The following NLGN4X variants were observed in gnomAD, a reference collection of about 807,000 sequenced individuals.
NLGN4X encodes neuroligin 4 X-linked.
In NLGN4X, 3 loss-of-function variants were observed where a neutral mutation model predicts 40.3. That is an observed-to-expected ratio of 0.07 (90% confidence interval 0.03 to 0.19). The LOEUF (loss-of-function observed/expected upper bound fraction) is 0.19. Among genes scored for constraint, NLGN4X ranks in the 10% least tolerant of loss-of-function variants. The pLI, the probability that NLGN4X is intolerant of heterozygous loss-of-function variation, is 1.00. For synonymous variants in NLGN4X, 270 were observed against 306.8 expected (o/e 0.88, Z 1.25); for missense variants, 382 against 708.3 (o/e 0.54, Z 5.23).
intron 2 of NLGN4X, among the ~76,000 whole-genome samples, chrX:6,084,419 G>A (rs903980308): frequency 9.0e-6 from 1 of 111,429 alleles, no homozygotes; most frequent in African/African-American, 3.3e-5. Context: ...TTGATGGTGG[G>A]GGTTAACTCC....
chrX:5,897,238 C>T (rs926088564), intron 5 of NLGN4X, among the ~76,000 whole-genome samples: 5 of 111,821 alleles, frequency 4.5e-5, no homozygotes. Context: ...CTTTGTCATA[C>T]CTTATAAATA....
intron 2 of NLGN4X, among the ~76,000 whole-genome samples, chrX:6,073,584 A>T (rs748483905): frequency 9.0e-6 from 1 of 111,706 alleles, no homozygotes; most frequent in Non-Finnish European, 1.9e-5. Flanking sequence ...GAGGAAGATT[A>T]GTAGGGCACA....
At chrX:6,178,667 C>T (rs146922045) in intron 1 of NLGN4X, among the ~76,000 whole-genome samples, 2,669 of 112,434 alleles carry the variant, frequency 0.024, 78 homozygotes, top group African/African-American at 0.079. Flanking sequence ...GAATATTTCA[C>T]TTATTTTCAA....
chrX:6,193,556 A>G (rs1922776629), intron 1 of NLGN4X, among the ~76,000 whole-genome samples: 1 of 111,004 alleles, frequency 9.0e-6, no homozygotes, highest in African/African-American at 3.3e-5. Flanking sequence ...TTCAAAACCA[A>G]TGTGACATTC....
chrX:5,902,883 G>T (rs745782354), intron 5 of NLGN4X, among the ~76,000 whole-genome samples, 194 bp downstream of exon 5: 1 of 112,313 alleles, frequency 8.9e-6, no homozygotes, highest in Non-Finnish European at 1.9e-5. Context: ...AAAATGAGTT[G>T]CCATAGATGT....
intron 2 of NLGN4X, among the ~76,000 whole-genome samples, chrX:6,109,744 C>T (rs773844415): frequency 1.3e-4 from 15 of 111,286 alleles, no homozygotes; most frequent in South Asian, 3.8e-4. Flanking sequence ...GCAGTCTGAG[C>T]GAAAAAATAA....
chrX:6,194,076 A>G (rs993637264), intron 1 of NLGN4X, among the ~76,000 whole-genome samples: 1 of 111,444 alleles, frequency 9.0e-6, no homozygotes, highest in Non-Finnish European at 1.9e-5. Context: ...CAGCGGACTC[A>G]GGAAGCTGAG....
At chrX:5,945,481 G>A (rs1171206738) in intron 3 of NLGN4X, among the ~76,000 whole-genome samples, 1 of 111,957 alleles carries the variant, frequency 8.9e-6, no homozygotes, top group Non-Finnish European at 1.9e-5. Context: ...TCAGCCTGGC[G>A]GGATCACATT....
At chrX:6,116,716 G>C (rs1196707011) in intron 2 of NLGN4X, among the ~76,000 whole-genome samples, 5 of 109,599 alleles carry the variant, frequency 4.6e-5, no homozygotes, top group African/African-American at 6.7e-5. Context: ...TTTCACTAGA[G>C]ACAGGGTTTC....
At chrX:6,053,355 C>A (rs1181450032) in intron 2 of NLGN4X, among the ~76,000 whole-genome samples, 2 of 111,290 alleles carry the variant, frequency 1.8e-5, no homozygotes, top group African/African-American at 6.5e-5. Context: ...AGCTTGTGAG[C>A]AGTTTAGGAA....
At chrX:5,991,159 C>T (rs931983324) in intron 3 of NLGN4X, among the ~76,000 whole-genome samples, 3 of 111,251 alleles carry the variant, frequency 2.7e-5, no homozygotes, top group African/African-American at 9.8e-5. Flanking sequence ...AAATATGTGG[C>T]CGCCTTCTCC....
intron 2 of NLGN4X, among the ~76,000 whole-genome samples, chrX:6,067,246 C>G (rs150641974): frequency 0.016 from 1,796 of 111,595 alleles, 20 homozygotes; most frequent in Non-Finnish European, 0.025. Flanking sequence ...GTGAATGATG[C>G]CTTCTTATGT....
At chrX:5,914,380 A>G (rs978670815) in intron 3 of NLGN4X, among the ~76,000 whole-genome samples, 2 of 111,148 alleles carry the variant, frequency 1.8e-5, no homozygotes, top group Non-Finnish European at 3.8e-5. Flanking sequence ...ATGGTAAGGA[A>G]CCCAATGGGG....
intron 1 of NLGN4X, among the ~76,000 whole-genome samples, chrX:6,155,631 A>G (rs2040247311): frequency 8.9e-6 from 1 of 111,844 alleles, no homozygotes; most frequent in East Asian, 2.8e-4. Flanking sequence ...GCAATCTGCC[A>G]CTTTGTCTAT....
intron 3 of NLGN4X, among the ~76,000 whole-genome samples, chrX:5,920,823 G>A (rs757513308): frequency 9.0e-6 from 1 of 111,059 alleles, no homozygotes; most frequent in Non-Finnish European, 1.9e-5. Flanking sequence ...ATCAATCCCA[G>A]TTTCTCTTTC....
intron 3 of NLGN4X, among the ~76,000 whole-genome samples, chrX:6,008,723 G>A: frequency 9.0e-6 from 1 of 111,405 alleles, no homozygotes; most frequent in African/African-American, 3.3e-5. Flanking sequence ...CTATTTTTTG[G>A]TGTATAATTG....
intron 3 of NLGN4X, among the ~76,000 whole-genome samples, chrX:5,997,586 G>GTGTGTGTATATATATACACATA (rs2035856606): frequency 2.1e-5 from 1 of 46,826 alleles, no homozygotes; most frequent in Non-Finnish European, 4.2e-5. Context: ...GTGTGTGTGT[G>GTGTGTGTATATATATACACATA]TATATATATA....
intron 1 of NLGN4X, among the ~76,000 whole-genome samples, chrX:6,184,389 C>T (rs1291829148): frequency 2.7e-5 from 3 of 111,920 alleles, no homozygotes; most frequent in African/African-American, 9.7e-5. Context: ...AAAGACTAAA[C>T]ATTCCCCAAG....
At chrX:5,900,945 T>TA (rs1484990066) in intron 5 of NLGN4X, among the ~76,000 whole-genome samples, 1 of 111,391 alleles carries the variant, frequency 9.0e-6, no homozygotes, top group East Asian at 2.8e-4. Flanking sequence ...AGGTTTACTT[T>TA]AAAAAAAGTA....
Sources: gnomAD v4.1 joint callset for allele counts (sites outside exome capture counted in the v4.1 genomes callset) on GRCh38, gnomAD v4.1.1 for gene constraint, MANE v1.5 for transcripts, NCBI Gene and HGNC (gene_info 2026-07-23, HGNC 2026-07-21) for gene names.